SRL: variants seen among roughly 807,000 people sequenced by gnomAD.
The protein encoded by SRL is sarcalumenin.
In SRL, 23 loss-of-function variants were observed where a neutral mutation model predicts 39.5. The ratio of observed to expected loss-of-function variants is 0.58; its 90% CI spans 0.42 to 0.82. The LOEUF (loss-of-function observed/expected upper bound fraction) is 0.82. Ranked by LOEUF, SRL falls within the 40% of genes least tolerant of loss-of-function variation. The pLI is 0.00. For missense variants in SRL, 592 were observed against 607.8 expected, an observed-to-expected ratio of 0.97 and a Z score of 0.27; for synonymous variants, 272 against 237.4, an observed-to-expected ratio of 1.15 and a Z score of -1.34.
At chr16:4,203,682 C>T (rs373084343) in intron 2 of SRL, among the ~76,000 whole-genome samples, 14 of 150,056 alleles carry the variant, frequency 9.3e-5, no homozygotes, top group East Asian at 7.7e-4. Context: ...CCACTGTGCC[C>T]GGCCTGAGCT....
At chr16:4,194,747 G>T (rs528372842) in intron 5 of SRL, among the ~76,000 whole-genome samples, 1 of 152,088 alleles carries the variant, frequency 6.6e-6, no homozygotes, top group Admixed American at 6.6e-5. Flanking sequence ...GGGGAGGTAG[G>T]AGCACCAGGC....
intron 1 of SRL, among the ~76,000 whole-genome samples, chr16:4,236,221 T>G (rs1165887664): frequency 6.6e-6 from 1 of 152,204 alleles, no homozygotes; most frequent in Non-Finnish European, 1.5e-5. Flanking sequence ...CTCCTCATCC[T>G]CACTAAATAC....
chr16:4,200,589 T>C (rs148219869), intron 3 of SRL, among the ~76,000 whole-genome samples: 138 of 152,276 alleles, frequency 9.1e-4, no homozygotes, highest in African/African-American at 3.2e-3. Flanking sequence ...CCTGCTGCTG[T>C]ACACACAAGT....
At chr16:4,200,318 G>A (rs905450511) in intron 3 of SRL, among the ~76,000 whole-genome samples, 2 of 152,180 alleles carry the variant, frequency 1.3e-5, no homozygotes, top group East Asian at 1.9e-4. Context: ...CGGCCCAGGC[G>A]ACACCAAGGA....
intron 1 of SRL, among the ~76,000 whole-genome samples, chr16:4,218,816 CAG>C (rs1299714682): frequency 1.3e-5 from 2 of 152,234 alleles, no homozygotes; most frequent in Admixed American, 6.5e-5. Context: ...CAAGTCTACG[CAG>C]AGTTAGTTAA....
Position 4,192,791 on chromosome 16 carries a change from T to C in SRL, c.784A>G (p.Thr262Ala). ...CCGTAAACCCGCATGAGCATTTGGG[T>C]GGCCAGATTGTCAGCCTTGTTCAGG... The part of the protein sequence containing the change: ...IILNKADNLA[T>A]QMLMRVYGAL... Residue 262 changes from threonine (T) to alanine (A), a missense_variant, in exon 6 of 6, where the codon ACC becomes GCC. Thr to Ala is a moderately conservative substitution (Grantham distance 58, BLOSUM62 0). Coordinates refer to ENST00000399609, the MANE Select transcript of SRL (RefSeq NM_001098814.2). This position sits in a 1 kb window ranked among gnomAD's most constrained non-coding sequence, Gnocchi z 4.0. 6.2e-7 allele frequency: 1 copy of C among 1,614,118 alleles called. No homozygotes were observed. The highest frequency in any genetic ancestry group is 8.5e-7 in the Non-Finnish European group (1 of 1,180,014).
chr16:4,232,522 T>C (rs2052670403), intron 1 of SRL, among the ~76,000 whole-genome samples: 1 of 151,982 alleles, frequency 6.6e-6, no homozygotes, highest in Admixed American at 6.6e-5. Context: ...ACGAATTTTT[T>C]TTTTTTTCAA....
chr16:4,208,503 G>T (rs566809807), intron 1 of SRL, among the ~76,000 whole-genome samples: 1 of 152,152 alleles, frequency 6.6e-6, no homozygotes, highest in Non-Finnish European at 1.5e-5. Context: ...GCTCACGGGC[G>T]TGTGCAGCTG....
At chr16:4,211,436 C>A (rs1442768308) in intron 1 of SRL, among the ~76,000 whole-genome samples, 1 of 151,820 alleles carries the variant, frequency 6.6e-6, no homozygotes, top group Non-Finnish European at 1.5e-5. Context: ...GATGACCGTG[C>A]CGATGATGAG....
At chr16:4,203,456 C>T (rs1401139680) in intron 2 of SRL, among the ~76,000 whole-genome samples, 195 bp from the exon 3 acceptor site, 1 of 152,186 alleles carries the variant, frequency 6.6e-6, no homozygotes, top group African/African-American at 2.4e-5. Flanking sequence ...CAGAAACCTC[C>T]AAATGAAAAG....
chr16:4,220,308 C>G (rs931542515), intron 1 of SRL, among the ~76,000 whole-genome samples: 1 of 151,348 alleles, frequency 6.6e-6, no homozygotes, highest in East Asian at 1.9e-4. Flanking sequence ...CACACACACA[C>G]AAATAACCGG....
chr16:4,217,563 C>T (rs1043872166), intron 1 of SRL, among the ~76,000 whole-genome samples: 2 of 152,106 alleles, frequency 1.3e-5, no homozygotes, highest in African/African-American at 4.8e-5. Context: ...TGCTGTCTTA[C>T]CACTGGCGCC....
chr16:4,207,578 C>T (rs1367746692), intron 1 of SRL: 1 of 450,788 alleles, frequency 2.2e-6, no homozygotes, highest in African/African-American at 2.0e-5. Flanking sequence ...CTACTGCTCC[C>T]TGCACCAGGC....
intron 1 of SRL, among the ~76,000 whole-genome samples, chr16:4,217,841 G>A (rs1022580897): frequency 4.6e-5 from 7 of 152,164 alleles, no homozygotes; most frequent in South Asian, 2.1e-4. Context: ...GACAGGAGCC[G>A]AGCCAGCTGG....
chr16:4,203,353 TC>T, intron 2 of SRL, 92 bp from the exon 3 acceptor site: 1 of 1,018,170 alleles, frequency 9.8e-7, no homozygotes, highest in Non-Finnish European at 1.5e-6. Flanking sequence ...CCAGGGCAGC[TC>T]CACCCCTGCC....
At chr16:4,217,165 T>G (rs1385396986) in intron 1 of SRL, among the ~76,000 whole-genome samples, 1 of 152,184 alleles carries the variant, frequency 6.6e-6, no homozygotes, top group Non-Finnish European at 1.5e-5. Context: ...TTTTCTTTCT[T>G]CCTGGGGCTG....
chr16:4,193,029 T>A (rs528576132), intron 5 of SRL, 65 bp from the exon 6 acceptor site: 51 of 1,407,634 alleles, frequency 3.6e-5, no homozygotes, highest in Non-Finnish European at 3.4e-5. Flanking sequence ...GCACCTCCTT[T>A]CAGAACTAAA....
rs1746807687 is a variant in SRL at position 4,204,732 on chromosome 16, G to A, written c.62-98C>T. 1.0e-5 allele frequency: 10 copies of A among 963,936 alleles called. 1 individual carries two copies. The highest frequency in any genetic ancestry group is 1.6e-5 in the Non-Finnish European group (10 of 610,200). The allele number at this position is 963,936 out of a possible 1,614,324, so 59.7% of individuals were successfully genotyped here. A position where few individuals can be genotyped will look rare whatever the true frequency, so the allele number is the denominator to read the frequency against. Reference sequence around the variant, plus strand: ...GACGAGGGCTGGGCCTCAAGCAGGGGCTCAACAGGGTCTTGCCAAGTTACA... The same window carrying A: ...GACGAGGGCTGGGCCTCAAGCAGGGACTCAACAGGGTCTTGCCAAGTTACA... On this transcript the variant is annotated intron_variant, in intron 1 of 5. Transcript: ENST00000399609.
rs1386214906 is a variant in SRL at position 4,190,121 on chromosome 16, G to A, written c.*2032C>T. 1.0e-5 allele frequency: 4 copies of A among 397,174 alleles called. No homozygotes were observed. The highest frequency in any genetic ancestry group is 1.8e-5 in the Non-Finnish European group (4 of 225,818). The allele number at this position is 397,174 out of a possible 1,614,324, so 24.6% of individuals were successfully genotyped here. A position where few individuals can be genotyped will look rare whatever the true frequency, so the allele number is the denominator to read the frequency against. On this transcript the variant is annotated 3_prime_UTR_variant, in exon 6 of 6. Coordinates refer to ENST00000399609, the MANE Select transcript of SRL (RefSeq NM_001098814.2). ...ATTGTCCTGAGTGCCCTGGAACCTC[G>A]GGTGTTCTTGTGGAAGGGTCCAGGC...
Sources: allele counts gnomAD v4.1 joint callset (sites outside exome capture counted in the v4.1 genomes callset), GRCh38; gene constraint gnomAD v4.1.1; non-coding constraint Gnocchi (gnomAD v3.1); transcripts MANE v1.5; gene names NCBI Gene and HGNC (gene_info 2026-07-23, HGNC 2026-07-21).